The following CSMD1 variants were observed in gnomAD, a reference collection of about 807,000 sequenced individuals.
The protein encoded by CSMD1 is CUB and Sushi multiple domains 1.
In CSMD1, 213 loss-of-function variants were observed where a neutral mutation model predicts 417.5. The observed-to-expected ratio is 0.51, with a 90% CI of 0.46 to 0.57. The LOEUF (loss-of-function observed/expected upper bound fraction) is 0.57, where lower values mean the gene tolerates loss of function less well. Ranked by LOEUF, CSMD1 falls within the 20% of genes least tolerant of loss-of-function variation. The pLI, the probability that CSMD1 is intolerant of heterozygous loss-of-function variation, is 0.00. For missense variants in CSMD1, 6,923 were observed against 4,529.7 expected (o/e 1.53, Z -15.17); for synonymous variants, 2,862 against 1,736.8 (o/e 1.65, Z -16.11).
chr8:3,020,678 T>G (rs982385737), intron 51 of CSMD1, among the ~76,000 whole-genome samples: 1 of 152,160 alleles, frequency 6.6e-6, no homozygotes, highest in African/African-American at 2.4e-5. Flanking sequence ...TACTCCATGT[T>G]ATGATAGGAC....
chr8:3,408,330 T>C, intron 13 of CSMD1, 105 bp from the exon 14 acceptor site: 2 of 733,920 alleles, frequency 2.7e-6, no homozygotes, highest in Non-Finnish European at 4.4e-6. Flanking sequence ...TGCCTGCAAA[T>C]AGCTATGATG....
chr8:3,057,941 T>C (rs1812344798), intron 49 of CSMD1, among the ~76,000 whole-genome samples: 1 of 152,198 alleles, frequency 6.6e-6, no homozygotes, highest in South Asian at 2.1e-4. Flanking sequence ...AACCTTCCCC[T>C]ACTCTCCGTA....
At chr8:4,903,165 G>A (rs77911818) in intron 1 of CSMD1, among the ~76,000 whole-genome samples, 50 of 152,192 alleles carry the variant, frequency 3.3e-4, no homozygotes, top group African/African-American at 1.2e-3. Flanking sequence ...AGTTTGTAAT[G>A]CAATCTTCCC....
Position 3,181,177 on chromosome 8 carries a change from G to C in CSMD1, c.5658C>G (p.Asn1886Lys), listed in dbSNP as rs369808250. 6.2e-7 allele frequency: 1 copy of C among 1,613,790 alleles called. No individual in the cohort carries two copies. Among genetic ancestry groups the C allele is most frequent in the Non-Finnish European group, 8.5e-7 (1 of 1,179,836 alleles). ...CAGACTGGAAATGCAGGTAGAGTTG[G>C]TTGGAAGTACTGTTCAGCAGTGCCG... Reference protein sequence around the residue: ...TVPALLNSTSNQLYLHFQSDI... With the variant: ...TVPALLNSTSKQLYLHFQSDI... Residue 1886 changes from asparagine (N) to lysine (K), a missense_variant, in exon 37 of 70, where the codon AAC becomes AAG. Asn to Lys is a moderately conservative substitution (Grantham distance 94). Transcript: ENST00000635120.
chr8:3,388,808 A>G (rs1391342100), intron 17 of CSMD1, among the ~76,000 whole-genome samples: 2 of 152,130 alleles, frequency 1.3e-5, no homozygotes, highest in Admixed American at 6.6e-5. Context: ...AATCTGCCAG[A>G]GGCAACGTGG....
At chr8:3,766,229 G>C (rs1798260536) in intron 5 of CSMD1, among the ~76,000 whole-genome samples, 1 of 152,182 alleles carries the variant, frequency 6.6e-6, no homozygotes, top group Non-Finnish European at 1.5e-5. Context: ...TCTTCTGCCG[G>C]ATGAGAGAGC....
chr8:3,960,532 T>C (rs1456131333), intron 5 of CSMD1, among the ~76,000 whole-genome samples: 6 of 152,142 alleles, frequency 3.9e-5, no homozygotes, highest in African/African-American at 1.4e-4. Context: ...AGCATTTAAG[T>C]GTGCCAATTA....
Position 3,358,945 on chromosome 8 carries a change from A to C in CSMD1, c.3304+207T>G, listed in dbSNP as rs537567942. ...GTTCAATCATAAAATTTCAGAGCTG[A>C]AAGGGACTTACTTTATAGATGAGCT... On this transcript the variant is annotated intron_variant, in intron 21 of 69. Transcript: ENST00000635120. Among the ~76,000 whole-genome samples the C allele has an allele frequency of 2.6e-5, 4 of 152,208 alleles. No homozygotes were observed. The East Asian group carries it at 7.8e-4, about 30-fold the overall frequency.
At chr8:4,222,105 CAA>C (rs11307752) in intron 3 of CSMD1, among the ~76,000 whole-genome samples, 125 of 146,270 alleles carry the variant, frequency 8.5e-4, no homozygotes, top group Non-Finnish European at 1.1e-3. Context: ...ATCAAACCAA[CAA>C]AAAAAAAAAA....
At chr8:4,154,550 G>A (rs778610909) in intron 3 of CSMD1, among the ~76,000 whole-genome samples, 54 of 152,194 alleles carry the variant, frequency 3.5e-4, no homozygotes, top group Non-Finnish European at 8.8e-5. Context: ...AGGACACTAT[G>A]CTTCTAACGC....
chr8:3,604,984 A>C (rs945150566), intron 8 of CSMD1, among the ~76,000 whole-genome samples: 4 of 152,150 alleles, frequency 2.6e-5, no homozygotes, highest in African/African-American at 9.7e-5. Context: ...AAAATGATTC[A>C]ATAACACAAC....
chr8:4,074,096 T>C (rs1329514051), intron 3 of CSMD1, among the ~76,000 whole-genome samples: 2 of 152,132 alleles, frequency 1.3e-5, no homozygotes, highest in Non-Finnish European at 2.9e-5. Flanking sequence ...TAATATAATT[T>C]ATTAAGTGAG....
intron 12 of CSMD1, among the ~76,000 whole-genome samples, chr8:3,452,060 T>A (rs1160385745): frequency 2.0e-5 from 3 of 152,176 alleles, no homozygotes; most frequent in Non-Finnish European, 4.4e-5. Context: ...TCCTAGGTAT[T>A]TTATTCTCTT....
chr8:4,439,364 A>G (rs1482431607), intron 2 of CSMD1, among the ~76,000 whole-genome samples: 4 of 152,184 alleles, frequency 2.6e-5, no homozygotes, highest in African/African-American at 9.6e-5. Flanking sequence ...GTGAGATATT[A>G]CTATACAACT....
In CSMD1 at chr8:4,461,756, T is replaced by A. The variant is rs184705637; in HGVS notation, c.303-41691A>T. Among the ~76,000 whole-genome samples, 408 of 147,656 alleles carry A rather than the reference T, an allele frequency of 2.8e-3. 4 individuals are homozygous for A. Among genetic ancestry groups the A allele is most frequent in the Admixed American group, 7.1e-3 (104 of 14,728 alleles). On this transcript the variant is annotated intron_variant, in intron 2 of 69. Coordinates refer to ENST00000635120, the MANE Select transcript of CSMD1 (RefSeq NM_033225.6). ...TTATTTACTTATTTTTTTTTTTTTT[T>A]TGGAGATGGAGTCTCGCTCTGTCAC...
At chr8:4,431,994 A>C (rs1178800921) in intron 2 of CSMD1, among the ~76,000 whole-genome samples, 1 of 152,224 alleles carries the variant, frequency 6.6e-6, no homozygotes, top group Non-Finnish European at 1.5e-5. Flanking sequence ...GCACTTCATT[A>C]TATTTGTCAA....
intron 49 of CSMD1, among the ~76,000 whole-genome samples, chr8:3,083,449 T>A (rs1361197809): frequency 1.3e-5 from 2 of 149,848 alleles, no homozygotes; most frequent in African/African-American, 4.9e-5. Flanking sequence ...GAATCTATAA[T>A]TTTTTTTAAT....
At position 3,450,532 on chromosome 8, in the gene CSMD1, A is replaced by G. The variant is rs1035357377; in HGVS notation, c.1561+18180T>C. 3.4e-5 allele frequency among the ~76,000 whole-genome samples: 5 copies of G among 148,236 alleles called. No individual in the cohort carries two copies. In the Admixed American group the frequency reaches 3.4e-4, roughly 10 times the overall value. On this transcript the variant is annotated intron_variant, in intron 12 of 69. Coordinates refer to ENST00000635120, the MANE Select transcript of CSMD1 (RefSeq NM_033225.6). ...TGTGTCCATGTGTTCTCATTGTTCA[A>G]TTCCCACCTATCAATGAGAACATGC... is the stretch of plus-strand genomic sequence containing the variant.
chr8:3,748,433 T>C (rs1178349948), intron 6 of CSMD1, among the ~76,000 whole-genome samples: 1 of 152,168 alleles, frequency 6.6e-6, no homozygotes, highest in African/African-American at 2.4e-5. Context: ...TGTGGAGGTT[T>C]CTAGACACTC....
Sources: gnomAD v4.1 joint callset for allele counts (sites outside exome capture counted in the v4.1 genomes callset) on GRCh38, gnomAD v4.1.1 for gene constraint, MANE v1.5 for transcripts, NCBI Gene and HGNC (gene_info 2026-07-23, HGNC 2026-07-21) for gene names.